The following TENM4 variants were observed in gnomAD, a reference collection of about 807,000 sequenced individuals.
TENM4 encodes teneurin transmembrane protein 4.
A neutral mutation model predicts 243.3 loss-of-function variants in TENM4; 82 were observed. The observed-to-expected ratio is 0.34, with a 90% CI of 0.28 to 0.40. TENM4 has a LOEUF of 0.40. Among genes scored for constraint, TENM4 ranks in the 10% least tolerant of loss-of-function variants. The probability of loss-of-function intolerance (pLI) is 1.00; values close to 1 mark genes in which losing one functional copy is unlikely to be tolerated. For synonymous variants in TENM4, 1,412 were observed against 1,456.3 expected, an observed-to-expected ratio of 0.97 and a Z score of 0.69; for missense variants, 3,138 against 3,673.3, an observed-to-expected ratio of 0.85 and a Z score of 3.77.
At chr11:78,723,763 A>G (rs563480416) in intron 23 of TENM4, among the ~76,000 whole-genome samples, 4 of 152,340 alleles carry the variant, frequency 2.6e-5, no homozygotes, top group Non-Finnish European at 5.9e-5. Flanking sequence ...CTGAAGCCCA[A>G]GTGAGCTGTG....
intron 6 of TENM4, among the ~76,000 whole-genome samples, chr11:78,996,887 T>C (rs1048793272): frequency 3.9e-5 from 6 of 152,182 alleles, no homozygotes; most frequent in African/African-American, 1.2e-4. Context: ...TGGTTCCACC[T>C]TCCCAGTGGC....
At chr11:78,756,725 C>T in intron 19 of TENM4, 80 bp downstream of exon 19, 1 of 1,363,056 alleles carries the variant, frequency 7.3e-7, no homozygotes, top group Non-Finnish European at 1.0e-6. Flanking sequence ...CCTCCCACCC[C>T]CATTCATCCA....
intron 2 of TENM4, among the ~76,000 whole-genome samples, chr11:79,250,796 G>C (rs937193166): frequency 3.3e-5 from 5 of 152,216 alleles, no homozygotes; most frequent in African/African-American, 9.7e-5. Flanking sequence ...GCTAGGCGAA[G>C]CTTAAACTTT....
chr11:78,878,940 C>T (rs999457840), intron 9 of TENM4, among the ~76,000 whole-genome samples: 3 of 152,258 alleles, frequency 2.0e-5, no homozygotes, highest in African/African-American at 7.2e-5. Context: ...ATGGCTTTTA[C>T]ACTTGGCAAG....
At chr11:78,999,398 C>G (rs1858258884) in intron 6 of TENM4, among the ~76,000 whole-genome samples, 1 of 152,048 alleles carries the variant, frequency 6.6e-6, no homozygotes, top group Admixed American at 6.6e-5. Flanking sequence ...CGCCTGTAGT[C>G]CCAGCTACTC....
intron 2 of TENM4, among the ~76,000 whole-genome samples, chr11:79,229,820 C>T (rs866285563): frequency 8.6e-5 from 13 of 151,708 alleles, no homozygotes; most frequent in Middle Eastern, 6.8e-3. Context: ...ACTGCTGGAG[C>T]ATTTCCTACA....
chr11:79,378,037 C>A (rs141222926), intron 1 of TENM4, among the ~76,000 whole-genome samples: 2 of 152,190 alleles, frequency 1.3e-5, no homozygotes, highest in Non-Finnish European at 2.9e-5. Context: ...CTTTACTCTC[C>A]GTGCCTTCCT....
At chr11:78,728,197 T>G (rs946814646) in intron 22 of TENM4, among the ~76,000 whole-genome samples, 2 of 152,220 alleles carry the variant, frequency 1.3e-5, no homozygotes, top group Non-Finnish European at 2.9e-5. Context: ...TTGCTCCCAC[T>G]GTGCCCTTCT....
At chr11:79,009,348 A>G (rs942321804) in intron 6 of TENM4, among the ~76,000 whole-genome samples, 2 of 152,168 alleles carry the variant, frequency 1.3e-5, no homozygotes, top group South Asian at 4.1e-4. Flanking sequence ...ATTCAGCTTC[A>G]GACACTCAAG....
In TENM4 at chr11:78,756,993, G is replaced by T. The variant is rs1856326189; in HGVS notation, c.2568C>A (p.Asp856Glu). 5 of 1,613,854 alleles carry T rather than the reference G, an allele frequency of 3.1e-6. No individual in the cohort carries two copies. The highest frequency in any genetic ancestry group is 4.2e-6 in the Non-Finnish European group (5 of 1,179,884). The change falls in exon 19 of 34, where the codon GAC (aspartate) becomes GAA (glutamate). Residue 856 changes from aspartate to glutamate, a missense_variant. Asp to Glu is a conservative substitution (Grantham distance 45). Coordinates refer to ENST00000278550, the MANE Select transcript of TENM4 (RefSeq NM_001098816.3). ...TATGGCACAGGGGCTGGAGGCAGCA[G>T]TCAGGGTCCATGCAGTCCACCAGGC... ...GDGLVDCMDP[D>E]CCLQPLCHIN... is the part of the protein sequence containing the mutation.
intron 1 of TENM4, among the ~76,000 whole-genome samples, chr11:79,417,338 G>A (rs558851365): frequency 8.5e-5 from 13 of 152,298 alleles, no homozygotes; most frequent in African/African-American, 1.2e-4. Flanking sequence ...GGACTTCAGC[G>A]TCTTCCTCTG....
intron 28 of TENM4, among the ~76,000 whole-genome samples, chr11:78,700,315 T>C (rs1565338284): frequency 6.6e-6 from 1 of 152,222 alleles, no homozygotes; most frequent in Non-Finnish European, 1.5e-5. Flanking sequence ...TGTTCTGCCA[T>C]GTCTCACTAT....
At chr11:79,313,471 C>T (rs1455874539) in intron 1 of TENM4, among the ~76,000 whole-genome samples, 1 of 152,200 alleles carries the variant, frequency 6.6e-6, no homozygotes, top group Non-Finnish European at 1.5e-5. Context: ...TGGTAATGGA[C>T]ACCAGAAAGC....
chr11:78,693,673 C>A (rs111465581), intron 28 of TENM4, among the ~76,000 whole-genome samples: 54 of 152,176 alleles, frequency 3.5e-4, no homozygotes, highest in African/African-American at 1.3e-3. Context: ...TTTCTTCATT[C>A]CATTTATCCA....
At chr11:78,700,835 A>G (rs993274929) in intron 28 of TENM4, among the ~76,000 whole-genome samples, 1 of 152,114 alleles carries the variant, frequency 6.6e-6, no homozygotes, top group African/African-American at 2.4e-5. Context: ...TAATAAAGTA[A>G]TGGTTTAAAA....
intron 1 of TENM4, among the ~76,000 whole-genome samples, chr11:79,363,790 A>G (rs1857630405): frequency 6.6e-6 from 1 of 152,218 alleles, no homozygotes. Context: ...TTAGGAAAAA[A>G]TCTATTTTAT....
intron 4 of TENM4, among the ~76,000 whole-genome samples, chr11:79,134,331 T>C (rs541550567): frequency 6.6e-6 from 1 of 152,096 alleles, no homozygotes; most frequent in Non-Finnish European, 1.5e-5. Flanking sequence ...ACAACACTGC[T>C]GAAAGAAATC....
chr11:78,750,517 G>A (rs1856164422), intron 19 of TENM4, among the ~76,000 whole-genome samples: 1 of 152,170 alleles, frequency 6.6e-6, no homozygotes, highest in Non-Finnish European at 1.5e-5. Flanking sequence ...CTCTAAGCCC[G>A]CCCTGTGTTA....
chr11:79,072,271 A>C (rs1355200621), intron 4 of TENM4, among the ~76,000 whole-genome samples: 1 of 152,186 alleles, frequency 6.6e-6, no homozygotes. Context: ...GGATCACTAC[A>C]GGCCAGGAGT....
Sources: gnomAD v4.1 joint callset for allele counts (sites outside exome capture counted in the v4.1 genomes callset) on GRCh38, gnomAD v4.1.1 for gene constraint, MANE v1.5 for transcripts, NCBI Gene and HGNC (gene_info 2026-07-23, HGNC 2026-07-21) for gene names.